TM2D1: variants seen among roughly 807,000 people sequenced by gnomAD.
The protein encoded by TM2D1 is TM2 domain containing 1, also known as TM2 domain-containing protein 1.
TM2D1 carries 15 observed loss-of-function variants against 28.4 expected under a neutral mutation model. The ratio of observed to expected loss-of-function variants is 0.53; its 90% CI spans 0.35 to 0.81. TM2D1 has a LOEUF of 0.81. Among genes scored for constraint, TM2D1 ranks in the 40% least tolerant of loss-of-function variants. The probability of loss-of-function intolerance (pLI) is 0.01; values close to 1 mark genes in which losing one functional copy is unlikely to be tolerated. For synonymous variants in TM2D1, 93 were observed against 96.2 expected (o/e 0.97, Z 0.20); for missense variants, 236 against 254.9 (o/e 0.93, Z 0.50).
chr1:61,705,764 C>T (rs1209966917), intron 3 of TM2D1, among the ~76,000 whole-genome samples: 1 of 152,104 alleles, frequency 6.6e-6, no homozygotes, highest in East Asian at 1.9e-4. Flanking sequence ...GCCTCACCAC[C>T]ACCACCCAGA....
chr1:61,695,022 A>G (rs1339822426), intron 4 of TM2D1, among the ~76,000 whole-genome samples: 1 of 152,076 alleles, frequency 6.6e-6, no homozygotes, highest in African/African-American at 2.4e-5. Context: ...AAAAACCTCA[A>G]TATAATCTAA....
chr1:61,691,932 A>AATATATAT (rs1163953838), intron 5 of TM2D1, among the ~76,000 whole-genome samples: 1 of 76,378 alleles, frequency 1.3e-5, no homozygotes, highest in Non-Finnish European at 2.6e-5. Context: ...AAAAAAAAAA[A>AATATATAT]ATATATATAT....
At chr1:61,706,695 C>T (rs1644443546) in intron 3 of TM2D1, among the ~76,000 whole-genome samples, 1 of 151,740 alleles carries the variant, frequency 6.6e-6, no homozygotes, top group Admixed American at 6.6e-5. Flanking sequence ...GTAATCCCAG[C>T]TACTTGGGAG....
intron 3 of TM2D1, among the ~76,000 whole-genome samples, chr1:61,706,270 T>G (rs1480555699): frequency 6.6e-6 from 1 of 152,112 alleles, no homozygotes; most frequent in Non-Finnish European, 1.5e-5. Context: ...TAGCCATGAT[T>G]TCGACTCACT....
chr1:61,695,911 T>C (rs1347554045), intron 4 of TM2D1, among the ~76,000 whole-genome samples: 1 of 152,230 alleles, frequency 6.6e-6, no homozygotes, highest in Non-Finnish European at 1.5e-5. Context: ...GAAGCCCCAT[T>C]AGGGCAGGGC....
intron 2 of TM2D1, among the ~76,000 whole-genome samples, chr1:61,718,762 A>G (rs995266777): frequency 2.0e-5 from 3 of 152,218 alleles, no homozygotes; most frequent in African/African-American, 7.2e-5. Flanking sequence ...TCATAAGGAA[A>G]TATCAGACAG....
chr1:61,724,554 G>C (rs7553807), intron 1 of TM2D1: 1,899 of 177,636 alleles, frequency 0.011, 37 homozygotes, highest in African/African-American at 0.041. Flanking sequence ...ACATTGGCTA[G>C]ATCGTTATTA....
At chr1:61,703,719 TATATATATATA>T (rs1644419886) in intron 3 of TM2D1, among the ~76,000 whole-genome samples, 1 of 624 alleles carries the variant, frequency 1.6e-3, no homozygotes, top group African/African-American at 5.1e-3. Flanking sequence ...AGCCAATCTT[TATATATATATA>T]TATATATATA....
intron 5 of TM2D1, chr1:61,694,440 T>C (rs1035984942): frequency 6.9e-6 from 2 of 289,556 alleles, no homozygotes; most frequent in Non-Finnish European, 1.3e-5. Flanking sequence ...GAACTCACAT[T>C]TACAAATCAT....
At chr1:61,715,013 C>T (rs1644506483) in intron 2 of TM2D1, among the ~76,000 whole-genome samples, 1 of 152,044 alleles carries the variant, frequency 6.6e-6, no homozygotes, top group Non-Finnish European at 1.5e-5. Flanking sequence ...GGAAAGACAC[C>T]ATAGTGGAAA....
intron 5 of TM2D1, among the ~76,000 whole-genome samples, chr1:61,685,504 A>C (rs2148032168): frequency 6.6e-6 from 1 of 152,366 alleles, no homozygotes; most frequent in Admixed American, 6.5e-5. Context: ...TTCAACAAAT[A>C]CTTAATTCCT....
At chr1:61,721,535 C>G (rs1644564524) in intron 2 of TM2D1, among the ~76,000 whole-genome samples, 1 of 103,884 alleles carries the variant, frequency 9.6e-6, no homozygotes, top group Non-Finnish European at 1.8e-5. Context: ...GAGTGAGACT[C>G]TGTCTCAAAA....
intron 2 of TM2D1, among the ~76,000 whole-genome samples, chr1:61,720,109 TAAAG>T (rs1644551751): frequency 6.6e-6 from 1 of 152,140 alleles, no homozygotes; most frequent in African/African-American, 2.4e-5. Flanking sequence ...CTTAAGAAAA[TAAAG>T]AAGACTTCTG....
intron 5 of TM2D1, among the ~76,000 whole-genome samples, chr1:61,684,024 G>A (rs1644266523): frequency 6.6e-6 from 1 of 152,142 alleles, no homozygotes; most frequent in African/African-American, 2.4e-5. Context: ...CATGGGAATA[G>A]ATTTAATATG....
intron 3 of TM2D1, among the ~76,000 whole-genome samples, chr1:61,706,862 G>GAAAGAAAGAAAGAAAGAAAGAAAGAA: frequency 7.0e-6 from 1 of 143,144 alleles, no homozygotes; most frequent in Non-Finnish European, 1.5e-5. Flanking sequence ...AAGAAAGAAA[G>GAAAGAAAGAAAGAAAGAAAGAAAGAA]AAATAGTAAA....
At chr1:61,690,390 G>A (rs766260354) in intron 5 of TM2D1, among the ~76,000 whole-genome samples, 28 of 133,170 alleles carry the variant, frequency 2.1e-4, no homozygotes, top group African/African-American at 7.4e-4. Flanking sequence ...CCGGGAGGCA[G>A]AGATTACAGT....
At chr1:61,687,340 A>C (rs543872367) in intron 5 of TM2D1, among the ~76,000 whole-genome samples, 104 of 152,356 alleles carry the variant, frequency 6.8e-4, no homozygotes, top group African/African-American at 2.4e-3. Flanking sequence ...TGACAGTTGT[A>C]AAATATTCTG....
At chr1:61,690,780 T>G (rs1307049668) in intron 5 of TM2D1, among the ~76,000 whole-genome samples, 1 of 152,200 alleles carries the variant, frequency 6.6e-6, no homozygotes, top group Non-Finnish European at 1.5e-5. Context: ...TGTTTAAAAG[T>G]TAAAAACTAA....
intron 2 of TM2D1, among the ~76,000 whole-genome samples, chr1:61,713,488 C>CAAAAAAAAAAA (rs369601221): frequency 5.5e-5 from 5 of 91,388 alleles, no homozygotes; most frequent in Admixed American, 1.3e-4. Flanking sequence ...AACTCAAAAA[C>CAAAAAAAAAAA]AAAAAAAAAA....
Sources: gnomAD v4.1 joint callset for allele counts (sites outside exome capture counted in the v4.1 genomes callset) on GRCh38, gnomAD v4.1.1 for gene constraint, MANE v1.5 for transcripts, NCBI Gene and HGNC (gene_info 2026-07-23, HGNC 2026-07-21) for gene names.